The following RBM19 variants were observed in gnomAD, a reference collection of about 807,000 sequenced individuals.
RBM19 encodes the protein RNA binding motif protein 19.
RBM19 carries 94 observed loss-of-function variants against 116.8 expected under a neutral mutation model. The ratio of observed to expected loss-of-function variants is 0.80; its 90% CI spans 0.68 to 0.95. The LOEUF (loss-of-function observed/expected upper bound fraction) is 0.95. Ranked by LOEUF, RBM19 falls within the 40% of genes least tolerant of loss-of-function variation. The pLI is 0.00. For synonymous variants in RBM19, 475 were observed against 494.1 expected, an observed-to-expected ratio of 0.96 and a Z score of 0.51; for missense variants, 1,161 against 1,220.7, an observed-to-expected ratio of 0.95 and a Z score of 0.73.
chr12:113,963,448 A>G (rs1332971881), intron 1 of RBM19, among the ~76,000 whole-genome samples: 1 of 152,200 alleles, frequency 6.6e-6, no homozygotes, highest in East Asian at 1.9e-4. Flanking sequence ...TGAAAATGCA[A>G]GAAGCTAGAG....
rs1872257768 is a variant in RBM19, at chr12:113,959,198, C to T, written c.571+14G>A. ...GGTCCGTGCGCATGGAGCACACAGT[C>T]CCCATGCCCTCACCTTCCAGGTCCT... On this transcript the variant is annotated intron_variant, in intron 5 of 23. Transcript: ENST00000261741. 1 of 1,604,498 alleles carries T rather than the reference C, an allele frequency of 6.2e-7. No homozygotes were observed. Among genetic ancestry groups the T allele is most frequent in the Non-Finnish European group, 8.5e-7 (1 of 1,174,490 alleles).
intron 21 of RBM19, among the ~76,000 whole-genome samples, chr12:113,866,355 C>T (rs1159917228): frequency 2.6e-5 from 4 of 152,130 alleles, no homozygotes; most frequent in East Asian, 3.8e-4. Context: ...TTCTCAATAG[C>T]GTTTCCTTGG....
intron 1 of RBM19, among the ~76,000 whole-genome samples, chr12:113,965,043 G>A (rs1026086034): frequency 6.6e-6 from 1 of 151,814 alleles, no homozygotes; most frequent in African/African-American, 2.4e-5. Context: ...AGGCCGAGGC[G>A]GTGGATCACC....
At chr12:113,828,473 G>A (rs3782425) in intron 23 of RBM19, among the ~76,000 whole-genome samples, 53 of 152,054 alleles carry the variant, frequency 3.5e-4, no homozygotes, top group Admixed American at 1.8e-3. Flanking sequence ...CCGCTAAGTC[G>A]GAGACAGAAC....
chr12:113,871,326 C>T (rs560612332), intron 21 of RBM19, among the ~76,000 whole-genome samples: 40 of 152,312 alleles, frequency 2.6e-4, no homozygotes, highest in African/African-American at 9.6e-4. Context: ...TAGAAACAAA[C>T]TCGTTTATTT....
intron 7 of RBM19, among the ~76,000 whole-genome samples, chr12:113,953,380 C>T (rs978760040): frequency 6.6e-6 from 1 of 152,062 alleles, no homozygotes; most frequent in African/African-American, 2.4e-5. Context: ...CCCAGCTACC[C>T]GAGAGGCTGA....
In RBM19 at chr12:113,962,267, A is replaced by G; in HGVS notation, c.184T>C (p.Phe62Leu). 1.2e-6 allele frequency: 2 copies of G among 1,614,220 alleles called. No homozygotes were observed. The highest frequency in any genetic ancestry group is 1.7e-6 in the Non-Finnish European group (2 of 1,180,042). Residue 62 changes from phenylalanine (F) to leucine (L), a missense_variant, in exon 2 of 24, where the codon TTC (phenylalanine) becomes CTC (leucine). Physicochemically the swap from Phe to Leu is conservative, Grantham distance 22 (BLOSUM62 0). Coordinates refer to ENST00000261741, the MANE Select transcript of RBM19 (RefSeq NM_016196.4). ...GATGTGTCGATGAAGCTCTTGTTGA[A>G]ATGCTTCTGTGCCTTCTGGGCCTCT... Reference protein sequence around the residue: ...EEEAQKAQKHFNKSFIDTSRI... With the variant: ...EEEAQKAQKHLNKSFIDTSRI...
In RBM19 at chr12:113,948,943, A is replaced by T. The variant is rs769580210; in HGVS notation, c.1166T>A (p.Leu389His). The change falls in exon 10 of 24, where the codon CTC becomes CAC. Residue 389 changes from leucine to histidine, a missense_variant. By Grantham distance (99) the Leu-to-His change is moderately conservative. Transcript: ENST00000261741. ...GTCCTCCTCCTCTTCGTTCTCCCCG[A>T]GTATCCGGCCTTGCCAGGATTTGGT... ...NTTKSWQGRI[L>H]GENEEEEDLA... is the part of the protein sequence containing the mutation. The T allele has an allele frequency of 3.7e-6, 6 of 1,614,036 alleles. No homozygotes were observed. Among genetic ancestry groups the T allele is most frequent in the Middle Eastern group, 1.6e-4 (1 of 6,084 alleles).
At chr12:113,850,143 A>C (rs1877340951) in intron 22 of RBM19, among the ~76,000 whole-genome samples, 1 of 151,996 alleles carries the variant, frequency 6.6e-6, no homozygotes, top group African/African-American at 2.4e-5. Context: ...CTCCATAAAT[A>C]CCTCTTCATT....
intron 22 of RBM19, among the ~76,000 whole-genome samples, chr12:113,856,686 AAG>A (rs1266072134): frequency 2.0e-5 from 3 of 152,160 alleles, no homozygotes; most frequent in Non-Finnish European, 2.9e-5. Context: ...TGGGTGAGAA[AAG>A]AGGCCCAGTG....
chr12:113,856,679 G>A (rs1427070649), intron 22 of RBM19, among the ~76,000 whole-genome samples: 1 of 152,162 alleles, frequency 6.6e-6, no homozygotes, highest in East Asian at 1.9e-4. Context: ...CAGTGGGTGG[G>A]TGAGAAAAGA....
chr12:113,872,422 CGCCCCGTCTGGG>C (rs1879302086), intron 21 of RBM19, among the ~76,000 whole-genome samples: 1 of 146,272 alleles, frequency 6.8e-6, no homozygotes, highest in Non-Finnish European at 1.5e-5. Flanking sequence ...CCCGGCCAGC[CGCCCCGTCTGGG>C]AGGTGAGGGG....
intron 22 of RBM19, among the ~76,000 whole-genome samples, chr12:113,847,532 G>C (rs1367751480): frequency 6.6e-6 from 1 of 152,064 alleles, no homozygotes; most frequent in Admixed American, 6.6e-5. Flanking sequence ...TTTTAAGATG[G>C]GGGAGAGGAA....
chr12:113,914,114 A>G (rs927990456), intron 21 of RBM19, among the ~76,000 whole-genome samples: 18 of 152,274 alleles, frequency 1.2e-4, no homozygotes, highest in African/African-American at 4.3e-4. Context: ...GCCCTGGGGC[A>G]GGCCAGACTT....
chr12:113,932,154 A>C (rs544258809), intron 16 of RBM19, among the ~76,000 whole-genome samples: 1 of 152,320 alleles, frequency 6.6e-6, no homozygotes, highest in South Asian at 2.1e-4. Flanking sequence ...GCTTCAGGTC[A>C]TATCCCGGCT....
chr12:113,871,279 C>T (rs3782444), intron 21 of RBM19, among the ~76,000 whole-genome samples: 10,062 of 152,338 alleles, frequency 0.066, 647 homozygotes, highest in East Asian at 0.34. Flanking sequence ...GGCCCTGCCC[C>T]GTGGCCCAGC....
Position 113,952,527 on chromosome 12 carries a change from G to T in RBM19, c.985C>A (p.His329Asn). Residue 329 changes from histidine (H) to asparagine (N), a missense_variant, in exon 8 of 24, where the codon CAT becomes AAT. Transcript: ENST00000261741. ...PVAIRIVRNA[H>N]GNKTGYIFVD... is the part of the protein sequence containing the mutation. ...TGGATCTTACCTGTTTTATTCCCAT[G>T]AGCGTTTCTCACAATTCGAATGGCC... The T allele has an allele frequency of 6.2e-7, 1 of 1,613,620 alleles. No homozygotes were observed. The highest frequency in any genetic ancestry group is 1.7e-4 in the Middle Eastern group (1 of 6,060).
At chr12:113,889,405 A>G (rs1880780327) in intron 21 of RBM19, among the ~76,000 whole-genome samples, 1 of 152,108 alleles carries the variant, frequency 6.6e-6, no homozygotes, top group African/African-American at 2.4e-5. Flanking sequence ...GTAAAACCCA[A>G]CTCAGCTCAG....
chr12:113,893,295 GCCA>G (rs1204138448), intron 21 of RBM19, among the ~76,000 whole-genome samples: 1 of 152,084 alleles, frequency 6.6e-6, no homozygotes, highest in Non-Finnish European at 1.5e-5. Context: ...ACAGGTGTGA[GCCA>G]CCACACCTGG....
Sources: allele counts gnomAD v4.1 joint callset (sites outside exome capture counted in the v4.1 genomes callset), GRCh38; gene constraint gnomAD v4.1.1; transcripts MANE v1.5; gene names NCBI Gene and HGNC (gene_info 2026-07-23, HGNC 2026-07-21).